Variants in RBFOX1 observed in about 807,000 individuals in gnomAD.
RBFOX1 encodes RNA binding protein fox-1 homolog 1.
A neutral mutation model predicts 57.7 loss-of-function variants in RBFOX1; 8 were observed. The ratio of observed to expected loss-of-function variants is 0.14; its 90% CI spans 0.08 to 0.25. RBFOX1 has a LOEUF of 0.25. Ranked by LOEUF, RBFOX1 falls within the 10% of genes least tolerant of loss-of-function variation. The pLI is 1.00. For synonymous variants in RBFOX1, 326 were observed against 222.4 expected (o/e 1.47, Z -4.15); for missense variants, 611 against 548.5 (o/e 1.11, Z -1.14).
intron 3 of RBFOX1, among the ~76,000 whole-genome samples, chr16:7,028,918 C>A (rs1399603110): frequency 6.6e-6 from 1 of 150,712 alleles, no homozygotes; most frequent in East Asian, 2.0e-4. Context: ...GGAAAGTTTG[C>A]AAGCATCTAT....
At chr16:6,453,542 G>A (rs1365233317) in intron 2 of RBFOX1, among the ~76,000 whole-genome samples, 1 of 151,980 alleles carries the variant, frequency 6.6e-6, no homozygotes, top group Non-Finnish European at 1.5e-5. Context: ...GTAATTAATA[G>A]CCTACCAACC....
At chr16:7,531,027 G>C (rs2079931413) in intron 5 of RBFOX1, among the ~76,000 whole-genome samples, 1 of 152,118 alleles carries the variant, frequency 6.6e-6, no homozygotes, top group South Asian at 2.1e-4. Flanking sequence ...AGTAAACCAA[G>C]GTTTTCAGCC....
intron 3 of RBFOX1, among the ~76,000 whole-genome samples, chr16:6,760,855 G>T (rs1355853703): frequency 6.6e-6 from 1 of 152,144 alleles, no homozygotes; most frequent in Admixed American, 6.5e-5. Context: ...GAGTGGCGCT[G>T]CCTCTGGTCA....
chr16:5,420,380 C>T (rs2067280064), intron 1 of RBFOX1, among the ~76,000 whole-genome samples: 1 of 94,348 alleles, frequency 1.1e-5, no homozygotes, highest in South Asian at 3.4e-4. Context: ...ATATTCTCCA[C>T]CACCCCCATA....
At position 6,834,459 on chromosome 16, in the gene RBFOX1, A is replaced by G. The variant is rs528274483; in HGVS notation, c.-16+179809A>G. ...GGAGGGGAAGCGTCAATGGATGCCT[A>G]TAGCCTTGCCTGGTACAGAGAAAGT... On this transcript the variant is annotated intron_variant, in intron 3 of 15. Coordinates refer to ENST00000550418, the MANE Select transcript of RBFOX1 (RefSeq NM_018723.4). Among the ~76,000 whole-genome samples the G allele has an allele frequency of 6.6e-5, 10 of 152,254 alleles. No individual in the cohort carries two copies. The South Asian group carries it at 8.3e-4, about 13-fold the overall frequency.
intron 2 of RBFOX1, among the ~76,000 whole-genome samples, chr16:5,583,664 T>G (rs993528255): frequency 2.0e-5 from 3 of 152,184 alleles, no homozygotes; most frequent in Non-Finnish European, 4.4e-5. Context: ...GGGCTTCAGT[T>G]TCCTCTCTGT....
intron 1 of RBFOX1, among the ~76,000 whole-genome samples, chr16:5,389,048 T>G (rs563240997): frequency 1.3e-4 from 20 of 150,790 alleles, no homozygotes; most frequent in Admixed American, 5.9e-4. Context: ...AAAATTAGCC[T>G]GGCGTGGTGG....
At chr16:6,827,810 T>A (rs2092339180) in intron 3 of RBFOX1, among the ~76,000 whole-genome samples, 1 of 152,234 alleles carries the variant, frequency 6.6e-6, no homozygotes, top group African/African-American at 2.4e-5. Flanking sequence ...TCAGCTTCGC[T>A]TCTGCAGGAA....
intron 14 of RBFOX1, among the ~76,000 whole-genome samples, chr16:7,708,331 A>C (rs939904807): frequency 1.3e-5 from 2 of 152,206 alleles, no homozygotes; most frequent in Non-Finnish European, 2.9e-5. Flanking sequence ...CCTAAAGCCT[A>C]TACCAGAAGC....
At chr16:7,128,389 T>C (rs2151931493) in intron 4 of RBFOX1, among the ~76,000 whole-genome samples, 1 of 152,316 alleles carries the variant, frequency 6.6e-6, no homozygotes, top group Admixed American at 6.5e-5. Context: ...GTCCAAAGCC[T>C]AGTGGCTTGA....
At chr16:5,464,541 C>G (rs752388458) in intron 1 of RBFOX1, among the ~76,000 whole-genome samples, 18 of 152,202 alleles carry the variant, frequency 1.2e-4, no homozygotes, top group Admixed American at 1.2e-3. Flanking sequence ...ACCAAGGGTC[C>G]TTGCATCATC....
At chr16:6,584,047 G>T (rs118161650) in intron 2 of RBFOX1, among the ~76,000 whole-genome samples, 245 of 150,946 alleles carry the variant, frequency 1.6e-3, no homozygotes, top group Non-Finnish European at 3.0e-3. Context: ...TTAGTAGAAG[G>T]TTCTTTTAAC....
intron 1 of RBFOX1, among the ~76,000 whole-genome samples, chr16:5,445,735 A>T (rs2068220702): frequency 6.6e-6 from 1 of 152,228 alleles, no homozygotes; most frequent in Admixed American, 6.5e-5. Flanking sequence ...ATATTTATTC[A>T]TTTAACTCAG....
chr16:6,564,471 A>AAAAC (rs5815327), intron 2 of RBFOX1, among the ~76,000 whole-genome samples: 74,760 of 151,396 alleles, frequency 0.49, 19,823 homozygotes, highest in East Asian at 0.72. Context: ...AAAACAAACA[A>AAAAC]AAACAAACAA....
At chr16:7,227,282 C>T (rs1265460070) in intron 4 of RBFOX1, among the ~76,000 whole-genome samples, 1 of 97,700 alleles carries the variant, frequency 1.0e-5, no homozygotes, top group Non-Finnish European at 2.7e-5. Flanking sequence ...CCACACACAC[C>T]CCACCCCACC....
At chr16:6,113,622 C>T (rs141818852) in intron 1 of RBFOX1, among the ~76,000 whole-genome samples, 4 of 152,292 alleles carry the variant, frequency 2.6e-5, no homozygotes, top group Non-Finnish European at 5.9e-5. Flanking sequence ...GTCATGCTCT[C>T]TGTTCCTCAC....
chr16:6,487,028 C>G (rs563597944), intron 2 of RBFOX1, among the ~76,000 whole-genome samples: 1 of 151,990 alleles, frequency 6.6e-6, no homozygotes, highest in African/African-American at 2.4e-5. Context: ...TGGAAACCAT[C>G]GCATATTAAA....
intron 3 of RBFOX1, among the ~76,000 whole-genome samples, chr16:6,736,134 A>G (rs147741610): frequency 0.012 from 1,814 of 152,240 alleles, 37 homozygotes; most frequent in African/African-American, 0.042. Flanking sequence ...ATTTATGTCC[A>G]TGTTGTTACC....
chr16:5,290,959 C>G (rs2063519757), intron 1 of RBFOX1, among the ~76,000 whole-genome samples: 1 of 152,158 alleles, frequency 6.6e-6, no homozygotes, highest in South Asian at 2.1e-4. Flanking sequence ...CTCAGCTTCG[C>G]AAAGTACTGG....
Sources: allele counts gnomAD v4.1 joint callset (sites outside exome capture counted in the v4.1 genomes callset), GRCh38; gene constraint gnomAD v4.1.1; transcripts MANE v1.5; gene names NCBI Gene and HGNC (gene_info 2026-07-23, HGNC 2026-07-21).